The following ULK4 variants were observed in gnomAD, a reference collection of about 807,000 sequenced individuals.
ULK4 encodes the protein unc-51 like kinase 4, also known as inactive serine/threonine-protein kinase ULK4.
Under a neutral mutation model 160.6 loss-of-function variants are expected in ULK4, and 133 were observed. The ratio of observed to expected loss-of-function variants is 0.83; its 90% CI spans 0.72 to 0.96. The LOEUF is 0.96. ULK4 is among the 40% of genes least tolerant of loss of function. ULK4 has a pLI of 0.00. For missense variants in ULK4, 1,580 were observed against 1,499.5 expected (o/e 1.05, Z -0.89); for synonymous variants, 534 against 539.8 (o/e 0.99, Z 0.15).
At chr3:41,895,807 C>T (rs1462540171) in intron 15 of ULK4, among the ~76,000 whole-genome samples, 1 of 152,110 alleles carries the variant, frequency 6.6e-6, no homozygotes, top group Non-Finnish European at 1.5e-5. Context: ...ACTGCCCTTA[C>T]CTGATAGACA....
At chr3:41,891,467 C>T (rs1296843970) in intron 16 of ULK4, among the ~76,000 whole-genome samples, 1 of 140,878 alleles carries the variant, frequency 7.1e-6, no homozygotes, top group African/African-American at 2.7e-5. Context: ...CTAACTCAAA[C>T]AAGTCACACA....
At chr3:41,302,621 C>T (rs2079821052) in intron 35 of ULK4, among the ~76,000 whole-genome samples, 1 of 152,154 alleles carries the variant, frequency 6.6e-6, no homozygotes, top group African/African-American at 2.4e-5. Flanking sequence ...TACAATATTG[C>T]CCAGATGTGG....
chr3:41,887,170 G>A (rs1423230642), intron 16 of ULK4, among the ~76,000 whole-genome samples: 3 of 152,204 alleles, frequency 2.0e-5, no homozygotes, highest in African/African-American at 7.2e-5. Flanking sequence ...ACCACTGGGG[G>A]CGAGGGAGAC....
Position 41,896,829 on chromosome 3 carries a change from G to T in ULK4, c.1523C>A (p.Ser508Tyr). 1.2e-6 allele frequency: 2 copies of T among 1,612,136 alleles called. No homozygotes were observed. Among genetic ancestry groups the T allele is most frequent in the South Asian group, 1.1e-5 (1 of 90,960 alleles). The change falls in exon 15 of 37, where the codon TCC becomes TAC. Residue 508 changes from serine (S) to tyrosine (Y), a missense_variant. Coordinates refer to ENST00000301831, the MANE Select transcript of ULK4 (RefSeq NM_017886.4). ...CATGTCACACAGGCTTACCAGGGGGGAATGGAGGAGCCTGGTGGCCACCTC... is the reference window on the plus strand; with the variant it reads ...CATGTCACACAGGCTTACCAGGGGGTAATGGAGGAGCCTGGTGGCCACCTC... Reference protein sequence around the residue: ...HQEVATRLLHSPLFQLLIQHL... With the variant: ...HQEVATRLLHYPLFQLLIQHL...
At chr3:41,830,442 G>A (rs2041539374) in intron 18 of ULK4, among the ~76,000 whole-genome samples, 1 of 152,064 alleles carries the variant, frequency 6.6e-6, no homozygotes. Flanking sequence ...TGGTAGTATG[G>A]AGACAGTAGG....
At chr3:41,867,499 G>A (rs1259662493) in intron 17 of ULK4, among the ~76,000 whole-genome samples, 2 of 152,158 alleles carry the variant, frequency 1.3e-5, no homozygotes, top group Non-Finnish European at 2.9e-5. Context: ...AGCCTCCCAA[G>A]TAGCTGGGAT....
chr3:41,839,517 A>T (rs1678099523), intron 17 of ULK4, among the ~76,000 whole-genome samples: 1 of 151,050 alleles, frequency 6.6e-6, no homozygotes, highest in African/African-American at 2.4e-5. Context: ...CTATATAGAA[A>T]ATGAGCAGAC....
chr3:41,520,445 C>A (rs1247880283), intron 32 of ULK4, among the ~76,000 whole-genome samples: 2 of 152,150 alleles, frequency 1.3e-5, no homozygotes, highest in African/African-American at 4.8e-5. Context: ...CTACATGTGG[C>A]TTATCTTTTC....
intron 34 of ULK4, among the ~76,000 whole-genome samples, chr3:41,429,765 G>C (rs1303501740): frequency 3.9e-5 from 6 of 152,042 alleles, no homozygotes; most frequent in Admixed American, 3.3e-4. Flanking sequence ...GGGGGAGGGA[G>C]AGCACCAGGA....
At chr3:41,827,238 C>T (rs1341472342) in intron 18 of ULK4, among the ~76,000 whole-genome samples, 1 of 149,000 alleles carries the variant, frequency 6.7e-6, no homozygotes, top group Non-Finnish European at 1.5e-5. Flanking sequence ...CTTAACATCA[C>T]AATTAAAAGA....
chr3:41,636,268 C>T (rs537687977), intron 30 of ULK4, among the ~76,000 whole-genome samples: 1 of 152,172 alleles, frequency 6.6e-6, no homozygotes, highest in Non-Finnish European at 1.5e-5. Context: ...GGTATGGTGG[C>T]TCATGCCTGT....
chr3:41,446,644 GC>G (rs1401204451), intron 34 of ULK4, among the ~76,000 whole-genome samples: 2 of 145,384 alleles, frequency 1.4e-5, no homozygotes, highest in African/African-American at 5.1e-5. Context: ...AACAAACACC[GC>G]AAGTTCTCAC....
intron 30 of ULK4, among the ~76,000 whole-genome samples, chr3:41,649,423 C>A (rs901106830): frequency 6.6e-6 from 1 of 152,234 alleles, no homozygotes; most frequent in East Asian, 1.9e-4. Context: ...CAGCTCCAGA[C>A]CCTGGCACCC....
At chr3:41,885,407 A>C (rs1193844360) in intron 16 of ULK4, among the ~76,000 whole-genome samples, 1 of 152,226 alleles carries the variant, frequency 6.6e-6, no homozygotes, top group Non-Finnish European at 1.5e-5. Flanking sequence ...AAATACAAGT[A>C]CCACATACCC....
At chr3:41,343,443 T>C (rs931068848) in intron 35 of ULK4, among the ~76,000 whole-genome samples, 4 of 151,890 alleles carry the variant, frequency 2.6e-5, no homozygotes, top group African/African-American at 9.7e-5. Flanking sequence ...TAGCTGGGAT[T>C]ATAGGCACAC....
chr3:41,471,578 T>C (rs75614048), intron 32 of ULK4, among the ~76,000 whole-genome samples: 4,813 of 152,260 alleles, frequency 0.032, 245 homozygotes, highest in African/African-American at 0.11. Flanking sequence ...TTCTTCAGGA[T>C]AGATTATACG....
intron 18 of ULK4, among the ~76,000 whole-genome samples, chr3:41,831,531 A>ATTTTTTTTTTTTTT (rs1553666744): frequency 7.2e-6 from 1 of 138,064 alleles, no homozygotes; most frequent in Non-Finnish European, 1.5e-5. Context: ...ATATATATAT[A>ATTTTTTTTTTTTTT]TTTTTTTTTC....
intron 35 of ULK4, among the ~76,000 whole-genome samples, chr3:41,388,007 T>C (rs9877379): frequency 0.57 from 87,168 of 151,928 alleles, 26,516 homozygotes; most frequent in African/African-American, 0.8. Context: ...AAAAGTGTTC[T>C]TATTTTTCCA....
At position 41,951,017 on chromosome 3, in the gene ULK4, G is replaced by A. The variant is rs774980968; in HGVS notation, c.138+3605C>T. Among the ~76,000 whole-genome samples the A allele has an allele frequency of 1.1e-4, 17 of 151,642 alleles. No homozygotes were observed. The South Asian group carries it at 2.7e-3, about 24-fold the overall frequency. ...AAATTAGCTGGGCATGGTGGCGGGCGCCTGTAGTCCCAGCTACTCAAGAGG... is the reference window on the plus strand; with the variant it reads ...AAATTAGCTGGGCATGGTGGCGGGCACCTGTAGTCCCAGCTACTCAAGAGG... On this transcript the variant is annotated intron_variant, in intron 2 of 36. Coordinates refer to ENST00000301831, the MANE Select transcript of ULK4 (RefSeq NM_017886.4).
Sources: allele counts gnomAD v4.1 joint callset (sites outside exome capture counted in the v4.1 genomes callset), GRCh38; gene constraint gnomAD v4.1.1; transcripts MANE v1.5; gene names NCBI Gene and HGNC (gene_info 2026-07-23, HGNC 2026-07-21).